Variants in SOX6 observed in about 807,000 individuals in gnomAD.
SOX6 encodes the protein transcription factor SOX-6.
A neutral mutation model predicts 97.8 loss-of-function variants in SOX6; 11 were observed. The ratio of observed to expected loss-of-function variants is 0.11; its 90% CI spans 0.07 to 0.19. The LOEUF is 0.19. Ranked by LOEUF, SOX6 falls within the 10% of genes least tolerant of loss-of-function variation. The probability of loss-of-function intolerance (pLI) is 1.00; values close to 1 mark genes in which losing one functional copy is unlikely to be tolerated. For synonymous variants in SOX6, 360 were observed against 371.4 expected (o/e 0.97, Z 0.35); for missense variants, 810 against 1,039.5 (o/e 0.78, Z 3.04).
intron 12 of SOX6, among the ~76,000 whole-genome samples, chr11:16,026,604 C>T (rs1339906422): frequency 6.6e-6 from 1 of 152,052 alleles, no homozygotes; most frequent in Non-Finnish European, 1.5e-5. Context: ...AAGAAGAGGG[C>T]CTTTCTTCAG....
intron 3 of SOX6, among the ~76,000 whole-genome samples, chr11:16,631,230 G>A (rs570701700): frequency 6.6e-6 from 1 of 151,238 alleles, no homozygotes; most frequent in Non-Finnish European, 1.5e-5. Context: ...TCATTCTTTT[G>A]TATGCATGTT....
intron 3 of SOX6, among the ~76,000 whole-genome samples, chr11:16,701,236 T>C (rs995994003): frequency 2.6e-5 from 4 of 152,188 alleles, no homozygotes; most frequent in Non-Finnish European, 5.9e-5. Flanking sequence ...GAGACCTGGA[T>C]TTAGTTCTTT....
intron 3 of SOX6, among the ~76,000 whole-genome samples, chr11:16,296,757 A>AC: frequency 6.6e-6 from 1 of 152,282 alleles, no homozygotes; most frequent in East Asian, 1.9e-4. Context: ...CATTTCAATG[A>AC]CCTTTTAAGT....
At chr11:16,517,778 A>G (rs1336090473) in intron 4 of SOX6, among the ~76,000 whole-genome samples, 1 of 152,188 alleles carries the variant, frequency 6.6e-6, no homozygotes, top group Non-Finnish European at 1.5e-5. Flanking sequence ...TGATTGCCCA[A>G]TCCTCTAAAG....
At position 15,989,280 on chromosome 11, in the gene SOX6, T is replaced by C. The variant is rs771703156; in HGVS notation, c.1733-50A>G. 4.0e-6 allele frequency: 6 copies of C among 1,489,144 alleles called. No individual in the cohort carries two copies. The African/African-American group carries it at 5.6e-5, about 14-fold the overall frequency. The allele number at this position is 1,489,144 out of a possible 1,614,324, so 92.2% of individuals were successfully genotyped here. On this transcript the variant is annotated intron_variant, in intron 13 of 15. Transcript: ENST00000683767. The stretch of plus-strand genomic sequence containing the variant: ...AAGATGAGTGGAAAGCGTTATTTTG[T>C]GGATAATGTCACACAGCTTGCCGCC...
intron 4 of SOX6, chr11:16,484,442 C>T (rs768409441): frequency 2.5e-6 from 2 of 796,294 alleles, no homozygotes; most frequent in Non-Finnish European, 4.6e-6. Flanking sequence ...CCACAGCTTA[C>T]TGACAATGAA....
intron 1 of SOX6, among the ~76,000 whole-genome samples, chr11:16,436,174 T>A (rs1859372558): frequency 6.6e-6 from 1 of 152,196 alleles, no homozygotes; most frequent in African/African-American, 2.4e-5. Context: ...AAACCATGTT[T>A]CTGCACATGT....
In SOX6 at chr11:16,586,265, G is replaced by GAA. The variant is rs34531777; in HGVS notation, n.609+25814_609+25815dup. 2.3e-4 allele frequency among the ~76,000 whole-genome samples: 35 copies of GAA among 150,336 alleles called. No individual in the cohort carries two copies. The East Asian group carries it at 5.7e-3, about 24-fold the overall frequency. On this transcript the variant is annotated intron_variant and non_coding_transcript_variant, in intron 4 of 5. Transcript: ENST00000524520. ...GCCTCCCTGTACATTGCTGAAACAG[G>GAA]AAAAAAAAATAACATAAATTCAGAA...
At chr11:16,468,458 T>C (rs1467143767) in intron 1 of SOX6, among the ~76,000 whole-genome samples, 1 of 152,162 alleles carries the variant, frequency 6.6e-6, no homozygotes, top group Non-Finnish European at 1.5e-5. Flanking sequence ...CAAAGTGTCA[T>C]TGTTCTTGTG....
intron 4 of SOX6, among the ~76,000 whole-genome samples, chr11:16,583,217 A>G (rs962452952): frequency 3.3e-5 from 5 of 152,060 alleles, no homozygotes; most frequent in African/African-American, 1.2e-4. Flanking sequence ...ATTCTGATAC[A>G]TGTGTACAAT....
intron 3 of SOX6, among the ~76,000 whole-genome samples, chr11:16,684,281 A>C (rs944917449): frequency 3.9e-5 from 6 of 152,234 alleles, no homozygotes; most frequent in African/African-American, 1.4e-4. Flanking sequence ...CACATGCACA[A>C]GTATGTATAT....
chr11:16,670,677 T>G (rs1264300787), intron 3 of SOX6, among the ~76,000 whole-genome samples: 1 of 152,164 alleles, frequency 6.6e-6, no homozygotes, highest in African/African-American at 2.4e-5. Flanking sequence ...CATACTGCAC[T>G]GTTTGCAGAG....
intron 3 of SOX6, among the ~76,000 whole-genome samples, chr11:16,303,631 A>G (rs1565079663): frequency 6.6e-6 from 1 of 152,184 alleles, no homozygotes; most frequent in African/African-American, 2.4e-5. Context: ...TACAAATTTT[A>G]GAGTAAGTTT....
chr11:16,270,579 C>T (rs1408101987), intron 3 of SOX6, among the ~76,000 whole-genome samples: 2 of 150,870 alleles, frequency 1.3e-5, no homozygotes, highest in Non-Finnish European at 3.0e-5. Context: ...TACCAATAGC[C>T]ATAATGTAAA....
In SOX6 at chr11:16,071,901, TAAG is replaced by T. The variant is rs201681705; in HGVS notation, c.1102-16003_1102-16001del. On this transcript the variant is annotated intron_variant, in intron 9 of 15. Transcript: ENST00000683767. ...CCATAATCCAACCCCCAAGGGCATC[TAAG>T]AAGATTAAAAAAAAAAAAAAGAAAA... 1.7e-3 allele frequency among the ~76,000 whole-genome samples: 248 copies of T among 146,746 alleles called. 4 individuals carry two copies. In the East Asian group the frequency reaches 0.043, roughly 26 times the overall value.
chr11:16,606,397 G>C (rs1286600246), intron 4 of SOX6, among the ~76,000 whole-genome samples: 1 of 152,116 alleles, frequency 6.6e-6, no homozygotes, highest in Admixed American at 6.5e-5. Flanking sequence ...TGTGGGCACG[G>C]AGGGCATTAC....
At chr11:15,986,463 A>G (rs2119818311) in intron 14 of SOX6, 43 bp from the exon 15 acceptor site, 1 of 1,596,760 alleles carries the variant, frequency 6.3e-7, no homozygotes, top group Non-Finnish European at 8.6e-7. Flanking sequence ...GGTCAAGGCA[A>G]CATATTCTAG....
chr11:16,623,887 T>C (rs941281034), intron 3 of SOX6, among the ~76,000 whole-genome samples: 24 of 152,180 alleles, frequency 1.6e-4, no homozygotes, highest in African/African-American at 5.8e-4. Context: ...GATTTATTAA[T>C]CTATTTTATA....
chr11:16,382,580 TG>T (rs1857857139), intron 1 of SOX6, among the ~76,000 whole-genome samples: 1 of 152,006 alleles, frequency 6.6e-6, no homozygotes, highest in Non-Finnish European at 1.5e-5. Flanking sequence ...AGAACTGCAC[TG>T]TAATGCTTTT....
Sources: gnomAD v4.1 joint callset for allele counts (sites outside exome capture counted in the v4.1 genomes callset) on GRCh38, gnomAD v4.1.1 for gene constraint, MANE v1.5 for transcripts, NCBI Gene and HGNC (gene_info 2026-07-23, HGNC 2026-07-21) for gene names.